MAMLD1: variants seen among roughly 807,000 people sequenced by gnomAD.
MAMLD1 encodes the protein mastermind like domain containing 1, also known as mastermind-like domain-containing protein 1.
Under a neutral mutation model 45.0 loss-of-function variants are expected in MAMLD1, and 14 were observed. The observed-to-expected ratio is 0.31, with a 90% CI of 0.21 to 0.49. The LOEUF is 0.49. Ranked by LOEUF, MAMLD1 falls within the 20% of genes least tolerant of loss-of-function variation. MAMLD1 has a pLI of 0.99. For missense variants in MAMLD1, 543 were observed against 603.6 expected (o/e 0.90, Z 1.05); for synonymous variants, 254 against 247.8 (o/e 1.02, Z -0.24).
At chrX:150,446,104 A>G (rs976376117) in intron 2 of MAMLD1, among the ~76,000 whole-genome samples, 1 of 111,827 alleles carries the variant, frequency 8.9e-6, no homozygotes, top group African/African-American at 3.3e-5. Context: ...GGGAACTCAG[A>G]CATCATCCAA....
chrX:150,361,586 C>T (rs1250711687), upstream of MAMLD1: 2 of 112,532 alleles, frequency 1.8e-5, no homozygotes, highest in African/African-American at 6.5e-5. Flanking sequence ...GTGTTGGTGA[C>T]AGGTTGCTAC....
chrX:150,395,490 G>A (rs1035318981), intron 1 of MAMLD1, among the ~76,000 whole-genome samples: 2 of 111,736 alleles, frequency 1.8e-5, no homozygotes, highest in African/African-American at 6.5e-5. Flanking sequence ...TTCTCTGCAA[G>A]ATAATGTAGA....
intron 3 of MAMLD1, among the ~76,000 whole-genome samples, chrX:150,468,670 G>A (rs888595412): frequency 5.4e-5 from 6 of 111,314 alleles, no homozygotes; most frequent in African/African-American, 2.0e-4. Context: ...ACTTTGCTTT[G>A]TTCCCAAAGG....
At chrX:150,414,209 G>A (rs1557402957) in intron 1 of MAMLD1, among the ~76,000 whole-genome samples, 1 of 110,551 alleles carries the variant, frequency 9.0e-6, no homozygotes, top group Non-Finnish European at 1.9e-5. Flanking sequence ...AGAAAAGGAA[G>A]CCAGCGCAAA....
chrX:150,470,997 C>A lies in MAMLD1; in HGVS notation c.1424C>A (p.Pro475Gln), dbSNP rs782009881. 4.1e-6 allele frequency: 5 copies of A among 1,211,979 alleles called. No homozygotes were observed. The highest frequency in any genetic ancestry group is 1.8e-5 in the South Asian group (1 of 57,014). ...SPGLPQQSFT[P>Q]QCSLIRSLTP... ...GGCTTGCCACAGCAGTCCTTCACCCCACAGTGTTCCCTGATCCGAAGCCTC... is the reference window on the plus strand; with the variant it reads ...GGCTTGCCACAGCAGTCCTTCACCCAACAGTGTTCCCTGATCCGAAGCCTC... Residue 475 changes from proline to glutamine, a missense_variant, in exon 4 of 8, where the codon CCA (proline) becomes CAA (glutamine). Pro to Gln is a moderately conservative substitution (Grantham distance 76, BLOSUM62 -1). Transcript: ENST00000370401.
chrX:150,414,243 AAG>A (rs2034198121), intron 1 of MAMLD1, among the ~76,000 whole-genome samples: 1 of 110,989 alleles, frequency 9.0e-6, no homozygotes, highest in Non-Finnish European at 1.9e-5. Context: ...AAAAGCAAAA[AAG>A]AGCTCATTAG....
Position 150,509,584 on chromosome X carries a change from A to G in MAMLD1, c.2285-378A>G. On this transcript the variant is annotated intron_variant, in intron 6 of 7. Coordinates refer to ENST00000370401, the MANE Select transcript of MAMLD1 (RefSeq NM_005491.5). ...GACTGTCACCTCCCTCCTTCTACATACTCTGCTTCTATTAATGCAGCCTAA... is the reference window on the plus strand; with the variant it reads ...GACTGTCACCTCCCTCCTTCTACATGCTCTGCTTCTATTAATGCAGCCTAA... 3 of 209,755 alleles carry G rather than the reference A, an allele frequency of 1.4e-5. No homozygotes were observed. In the South Asian group the frequency reaches 2.2e-4, roughly 15 times the overall value. The allele number at this position is 209,755 out of a possible 1,213,427, so 17.3% of individuals were successfully genotyped here. A position where few individuals can be genotyped will look rare whatever the true frequency, so the allele number is the denominator to read the frequency against.
chrX:150,398,167 C>T (rs1221198749), intron 1 of MAMLD1, among the ~76,000 whole-genome samples: 3 of 106,167 alleles, frequency 2.8e-5, no homozygotes, highest in Non-Finnish European at 3.9e-5. Flanking sequence ...TAATATCCAT[C>T]GCATTTTGTG....
At chrX:150,377,379 A>G (rs1205965626) in intron 1 of MAMLD1, among the ~76,000 whole-genome samples, 1 of 113,454 alleles carries the variant, frequency 8.8e-6, no homozygotes, top group Non-Finnish European at 1.9e-5. Flanking sequence ...TATTTGGAAG[A>G]TGTGACTTGA....
At chrX:150,380,019 G>A (rs1360561298) in intron 1 of MAMLD1, among the ~76,000 whole-genome samples, 1 of 112,098 alleles carries the variant, frequency 8.9e-6, no homozygotes, top group Non-Finnish European at 1.9e-5. Flanking sequence ...ATTGTTAGAG[G>A]TATATCTTAA....
intron 5 of MAMLD1, among the ~76,000 whole-genome samples, chrX:150,499,915 G>A (rs1197124210): frequency 1.8e-5 from 2 of 111,832 alleles, no homozygotes; most frequent in Non-Finnish European, 3.8e-5. Context: ...TGAGAGTAAA[G>A]GCTCAGTTTA....
rs1557402552 is a variant in MAMLD1, at chrX:150,403,554, G to A, written c.-64+40024G>A. On this transcript the variant is annotated intron_variant, in intron 1 of 7. Transcript: ENST00000370401. ...TTGAAGGTCAAATTTGTGGCCCTAA[G>A]GAGGGCAGGGCAGTCTTCTCACTTT... 5.4e-5 allele frequency among the ~76,000 whole-genome samples: 6 copies of A among 111,252 alleles called. No individual in the cohort carries two copies. The East Asian group carries it at 1.4e-3, about 26-fold the overall frequency.
At chrX:150,385,292 A>ACACG (rs1358405152) in intron 1 of MAMLD1, among the ~76,000 whole-genome samples, 4 of 109,284 alleles carry the variant, frequency 3.7e-5, no homozygotes, top group Admixed American at 2.0e-4. Context: ...ACACACACAC[A>ACACG]CACACACACA....
intron 1 of MAMLD1, among the ~76,000 whole-genome samples, chrX:150,403,897 AAAGAAAG>A (rs1490748248): frequency 5.0e-4 from 50 of 99,760 alleles, no homozygotes; most frequent in African/African-American, 1.8e-3. Flanking sequence ...GAAGAAAGAA[AAAGAAAG>A]AAGAAAGAAA....
intron 1 of MAMLD1, among the ~76,000 whole-genome samples, chrX:150,401,719 G>A (rs372433999): frequency 1.5e-4 from 17 of 111,092 alleles, no homozygotes; most frequent in African/African-American, 5.6e-4. Flanking sequence ...GTACCAAAAC[G>A]GAGATATAGA....
intron 1 of MAMLD1, among the ~76,000 whole-genome samples, chrX:150,381,081 G>A (rs1373758405): frequency 9.0e-6 from 1 of 110,658 alleles, no homozygotes; most frequent in Non-Finnish European, 1.9e-5. Context: ...GATTTGAAAA[G>A]TCACCATTAT....
chrX:150,507,023 C>A (rs56066792), intron 6 of MAMLD1, among the ~76,000 whole-genome samples: 10,091 of 111,994 alleles, frequency 0.09, 436 homozygotes, highest in Non-Finnish European at 0.13. Context: ...AGAGCTGGGC[C>A]TTAGTTCTCT....
At chrX:150,424,204 AT>A (rs2034624760) in intron 1 of MAMLD1, among the ~76,000 whole-genome samples, 1 of 112,478 alleles carries the variant, frequency 8.9e-6, no homozygotes, top group East Asian at 2.8e-4. Context: ...GGTTTGTACA[AT>A]TCTTGGCTCC....
chrX:150,379,728 C>A (rs1467400731), intron 1 of MAMLD1, among the ~76,000 whole-genome samples: 1 of 111,960 alleles, frequency 8.9e-6, no homozygotes, highest in African/African-American at 3.3e-5. Flanking sequence ...TCCTTTTGCA[C>A]AAATGAACAG....
Sources: gnomAD v4.1 joint callset for allele counts (sites outside exome capture counted in the v4.1 genomes callset) on GRCh38, gnomAD v4.1.1 for gene constraint, MANE v1.5 for transcripts, NCBI Gene and HGNC (gene_info 2026-07-23, HGNC 2026-07-21) for gene names.